Variants in FGF20 observed in about 807,000 individuals in gnomAD.
FGF20 encodes fibroblast growth factor 20.
FGF20 carries 8 observed loss-of-function variants against 16.7 expected under a neutral mutation model. The observed-to-expected ratio is 0.48, with a 90% CI of 0.28 to 0.87. The LOEUF (loss-of-function observed/expected upper bound fraction) is 0.87. Among genes scored for constraint, FGF20 ranks in the 40% least tolerant of loss-of-function variants. The probability of loss-of-function intolerance (pLI) is 0.10; values close to 1 mark genes in which losing one functional copy is unlikely to be tolerated. For synonymous variants in FGF20, 161 were observed against 118.6 expected (o/e 1.36, Z -2.32); for missense variants, 397 against 281.4 (o/e 1.41, Z -2.94).
In FGF20 at chr8:17,002,217, G is replaced by T. The variant is rs1207197724; in HGVS notation, c.-185C>A. The T allele has an allele frequency of 1.8e-6, 1 of 543,768 alleles. No homozygotes were observed. Among genetic ancestry groups the T allele is most frequent in the Non-Finnish European group, 3.0e-6 (1 of 336,382 alleles). 33.7% of individuals were successfully genotyped at this position (543,768 alleles called of 1,614,324 possible). Reference sequence around the variant, plus strand: ...AGGGAAGCTCTCACTGTCTTGGAGCGATCTTCTCTCCTTGGGTAGGTGGGA... The same window carrying T: ...AGGGAAGCTCTCACTGTCTTGGAGCTATCTTCTCTCCTTGGGTAGGTGGGA... On this transcript the variant is annotated 5_prime_UTR_variant, in exon 1 of 3. Coordinates refer to ENST00000180166, the MANE Select transcript of FGF20 (RefSeq NM_019851.3).
At chr8:16,994,975 G>A (rs908361294) in intron 2 of FGF20, among the ~76,000 whole-genome samples, 1 of 151,994 alleles carries the variant, frequency 6.6e-6, no homozygotes, top group African/African-American at 2.4e-5. Flanking sequence ...TTGCAGATTT[G>A]TTCTAAAAAC....
At position 16,993,116 on chromosome 8, in the gene FGF20, C is replaced by T; in HGVS notation, c.592G>A (p.Glu198Lys). Residue 198 changes from glutamate to lysine, a missense_variant, in exon 3 of 3, where the codon GAA (glutamate) becomes AAA (lysine). Transcript: ENST00000180166. ...TCCTTGTACAATTCTGGAACTCTTT[C>T]TGGATCCACTGGTCTAGGTAAGAAA... ...THFLPRPVDP[E>K]RVPELYKDLL... 1 of 1,614,080 alleles carries T rather than the reference C, an allele frequency of 6.2e-7. No individual in the cohort carries two copies. The highest frequency in any genetic ancestry group is 1.1e-5 in the South Asian group (1 of 91,080).
rs373023438 is a variant in FGF20, at chr8:16,993,174, G to T, written c.534C>A (p.Gly178=). 6.2e-7 allele frequency: 1 copy of T among 1,614,002 alleles called. No individual in the cohort carries two copies. ...ALNKDGTPRD[G]ARSKRHQKFT... The stretch of plus-strand genomic sequence containing the variant: ...ATTTCTGATGCCTCTTGGACCTGGC[G>T]CCATCTCTTGGAGTTCCGTCTTTGT... Residue 178 remains glycine, a synonymous_variant, in exon 3 of 3, where the codon GGC becomes GGA. Coordinates refer to ENST00000180166, the MANE Select transcript of FGF20 (RefSeq NM_019851.3).
Position 16,992,917 on chromosome 8 carries a change from G to C in FGF20, c.*155C>G, listed in dbSNP as rs147590629. On this transcript the variant is annotated 3_prime_UTR_variant, in exon 3 of 3. Transcript: ENST00000180166. ...TCTATTTCTAGTCAAAATTTTTTTT[G>C]GTTTTTTTTCTCAATATTCTTTCCA... 183 of 878,932 alleles carry C rather than the reference G, an allele frequency of 2.1e-4. No homozygotes were observed. In the African/African-American group the frequency reaches 2.3e-3, roughly 11 times the overall value. The allele number at this position is 878,932 out of a possible 1,614,324, so 54.4% of individuals were successfully genotyped here.
chr8:17,001,917 T>C lies in FGF20; in HGVS notation c.116A>G (p.Glu39Gly), dbSNP rs2150437389. 1 of 1,488,776 alleles carries C rather than the reference T, an allele frequency of 6.7e-7. No individual in the cohort carries two copies. The highest frequency in any genetic ancestry group is 8.9e-7 in the Non-Finnish European group (1 of 1,120,922). The allele number at this position is 1,488,776 out of a possible 1,614,324, so 92.2% of individuals were successfully genotyped here. ...GCTCCGCTCCGCCGCGCTCCTGCGC[T>C]CGCCCAGCAGCGGCGGCCGCTCCCC... ...PAGERPPLLG[E>G]RRSAAERSAR... is the part of the protein sequence containing the mutation. The change falls in exon 1 of 3, where the codon GAG becomes GGG. Residue 39 changes from glutamate (E) to glycine (G), a missense_variant. Glu to Gly is a moderately conservative substitution (Grantham distance 98, BLOSUM62 -2). Coordinates refer to ENST00000180166, the MANE Select transcript of FGF20 (RefSeq NM_019851.3).
At chr8:16,993,373 C>A in intron 2 of FGF20, 56 bp from the exon 3 acceptor site, 3 of 1,483,214 alleles carry the variant, frequency 2.0e-6, no homozygotes, top group Non-Finnish European at 2.7e-6. Flanking sequence ...AGATAATTTC[C>A]TTACAAGTTT....
rs1251593988 is a variant in FGF20, at chr8:17,002,037, G to T, written c.-5C>A. On this transcript the variant is annotated 5_prime_UTR_variant, in exon 1 of 3. Transcript: ENST00000180166. ...GACTTCGGCTAAGGGAGCCATGGAG[G>T]GGGAGATCCGGAACACAAAAGACCC... 1 of 1,537,054 alleles carries T rather than the reference G, an allele frequency of 6.5e-7. No individual in the cohort carries two copies. The highest frequency in any genetic ancestry group is 8.8e-7 in the Non-Finnish European group (1 of 1,142,788).
At position 16,995,711 on chromosome 8, in the gene FGF20, C is replaced by T. The variant is rs1292395727; in HGVS notation, c.334G>A (p.Gly112Ser). The T allele has an allele frequency of 6.2e-7, 1 of 1,610,360 alleles. No homozygotes were observed. ...SVAVGLVSIR[G>S]VDSGLYLGMN... ...CCAAGATAGAGACCACTGTCCACACCTCTAATACTGACCAGTCCCACTGCC... is the reference window on the plus strand; with the variant it reads ...CCAAGATAGAGACCACTGTCCACACTTCTAATACTGACCAGTCCCACTGCC... The change falls in exon 2 of 3, where the codon GGT (glycine) becomes AGT (serine). Residue 112 changes from glycine (G) to serine (S), a missense_variant. Transcript: ENST00000180166.
At position 16,995,703 on chromosome 8, in the gene FGF20, G is replaced by T; in HGVS notation, c.342C>A (p.Asp114Glu). 6.2e-7 allele frequency: 1 copy of T among 1,609,400 alleles called. No homozygotes were observed. Among genetic ancestry groups the T allele is most frequent in the Non-Finnish European group, 8.5e-7 (1 of 1,176,138 alleles). Residue 114 changes from aspartate to glutamate, a missense_variant, in exon 2 of 3, where the codon GAC becomes GAA. Transcript: ENST00000180166. ...AVGLVSIRGV[D>E]SGLYLGMNDK... ...CATTCATTCCAAGATAGAGACCACTGTCCACACCTCTAATACTGACCAGTC... is the reference window on the plus strand; with the variant it reads ...CATTCATTCCAAGATAGAGACCACTTTCCACACCTCTAATACTGACCAGTC...
intron 2 of FGF20, among the ~76,000 whole-genome samples, chr8:16,994,913 G>T (rs948130011): frequency 3.3e-5 from 5 of 152,140 alleles, no homozygotes; most frequent in African/African-American, 7.2e-5. Flanking sequence ...TCCATGTTGT[G>T]CTGTAAGGTA....
Position 17,002,131 on chromosome 8 carries a change from A to G in FGF20, c.-99T>C. The G allele has an allele frequency of 7.7e-7, 1 of 1,297,096 alleles. No homozygotes were observed. The highest frequency in any genetic ancestry group is 1.7e-5 in the South Asian group (1 of 59,482). The allele number at this position is 1,297,096 out of a possible 1,614,324, so 80.3% of individuals were successfully genotyped here. A position where few individuals can be genotyped will look rare whatever the true frequency, so the allele number is the denominator to read the frequency against. On this transcript the variant is annotated 5_prime_UTR_variant, in exon 1 of 3. Coordinates refer to ENST00000180166, the MANE Select transcript of FGF20 (RefSeq NM_019851.3). ...GAAAAATTATAGCAAAACGAGCGCAAAAAGTTAAGGCCCGGTTACTCCTCT... is the reference window on the plus strand; with the variant it reads ...GAAAAATTATAGCAAAACGAGCGCAGAAAGTTAAGGCCCGGTTACTCCTCT...
chr8:17,001,700 C>G, intron 1 of FGF20, 47 bp downstream of exon 1: 1 of 1,513,812 alleles, frequency 6.6e-7, no homozygotes, highest in Non-Finnish European at 8.8e-7. Flanking sequence ...GAACGAGGAG[C>G]CGAGCTGGGG....
Position 16,995,740 on chromosome 8 carries a change from C to T in FGF20, c.305G>A (p.Ser102Asn). ...HSLFGILEFI[S>N]VAVGLVSIRG... is the part of the protein sequence containing the mutation. ...AATACTGACCAGTCCCACTGCCACA[C>T]TGATGAATTCCAAGATACCTGCATA... Residue 102 changes from serine to asparagine, a missense_variant, in exon 2 of 3, where the codon AGT (serine) becomes AAT (asparagine). By Grantham distance (46) the Ser-to-Asn change is conservative (BLOSUM62 1). Coordinates refer to ENST00000180166, the MANE Select transcript of FGF20 (RefSeq NM_019851.3). 2 of 1,598,528 alleles carry T rather than the reference C, an allele frequency of 1.3e-6. No individual in the cohort carries two copies. Among genetic ancestry groups the T allele is most frequent in the Non-Finnish European group, 1.7e-6 (2 of 1,168,602 alleles).
intron 2 of FGF20, among the ~76,000 whole-genome samples, chr8:16,993,765 G>C (rs565380109): frequency 1.3e-5 from 2 of 152,100 alleles, no homozygotes; most frequent in Non-Finnish European, 2.9e-5. Context: ...GGGGGTGAAC[G>C]GATGCAGTGA....
chr8:16,997,137 C>A (rs564411980), intron 1 of FGF20, among the ~76,000 whole-genome samples: 11 of 152,314 alleles, frequency 7.2e-5, no homozygotes, highest in Admixed American at 4.6e-4. Flanking sequence ...TCCCTAAATA[C>A]ACTGATAAAC....
chr8:16,992,993 G>A lies in FGF20; in HGVS notation c.*79C>T. 1 of 1,472,984 alleles carries A rather than the reference G, an allele frequency of 6.8e-7. No homozygotes were observed. Among genetic ancestry groups the A allele is most frequent in the African/African-American group, 1.4e-5 (1 of 70,924 alleles). The allele number at this position is 1,472,984 out of a possible 1,614,324, so 91.2% of individuals were successfully genotyped here. A position where few individuals can be genotyped will look rare whatever the true frequency, so the allele number is the denominator to read the frequency against. ...ACTTTAATATTTTGAACGTCTCCTTGGGTCATTATTTTATGATGGGAACTA... is the reference window on the plus strand; with the variant it reads ...ACTTTAATATTTTGAACGTCTCCTTAGGTCATTATTTTATGATGGGAACTA... On this transcript the variant is annotated 3_prime_UTR_variant, in exon 3 of 3. Coordinates refer to ENST00000180166, the MANE Select transcript of FGF20 (RefSeq NM_019851.3).
In FGF20 at chr8:16,993,168, C is replaced by G. The variant is rs749155129; in HGVS notation, c.540G>C (p.Arg180Ser). ...NKDGTPRDGA[R>S]SKRHQKFTHF... Reference sequence around the variant, plus strand: ...GTGTAAATTTCTGATGCCTCTTGGACCTGGCGCCATCTCTTGGAGTTCCGT... The same window carrying G: ...GTGTAAATTTCTGATGCCTCTTGGAGCTGGCGCCATCTCTTGGAGTTCCGT... Residue 180 changes from arginine to serine, a missense_variant, in exon 3 of 3, where the codon AGG becomes AGC. Physicochemically the swap from Arg to Ser is moderately radical, Grantham distance 110 (BLOSUM62 -1). Coordinates refer to ENST00000180166, the MANE Select transcript of FGF20 (RefSeq NM_019851.3). 2.5e-6 allele frequency: 4 copies of G among 1,614,014 alleles called. No homozygotes were observed. Among genetic ancestry groups the G allele is most frequent in the Non-Finnish European group, 3.4e-6 (4 of 1,180,002 alleles).
In FGF20 at chr8:16,995,650, C is replaced by T. The variant is rs1810025572; in HGVS notation, c.390+5G>A. 6 of 1,305,032 alleles carry T rather than the reference C, an allele frequency of 4.6e-6. No homozygotes were observed. The highest frequency in any genetic ancestry group is 3.2e-6 in the Non-Finnish European group (3 of 939,942). 80.8% of individuals were successfully genotyped at this position (1,305,032 alleles called of 1,614,324 possible). On this transcript the variant is annotated splice_donor_5th_base_variant and intron_variant, in intron 2 of 2. Coordinates refer to ENST00000180166, the MANE Select transcript of FGF20 (RefSeq NM_019851.3). Reference sequence around the variant, plus strand: ...ATAATAATAAAAAATAAAAATAATACGTACTGATCCATAGAGTTCTCCTTT... The same window carrying T: ...ATAATAATAAAAAATAAAAATAATATGTACTGATCCATAGAGTTCTCCTTT...
intron 1 of FGF20, among the ~76,000 whole-genome samples, chr8:16,999,316 C>A (rs1810128699): frequency 6.6e-6 from 1 of 152,112 alleles, no homozygotes; most frequent in South Asian, 2.1e-4. Flanking sequence ...TTCGCAAAAA[C>A]AAAATGTGCG....
Sources: gnomAD v4.1 joint callset for allele counts (sites outside exome capture counted in the v4.1 genomes callset) on GRCh38, gnomAD v4.1.1 for gene constraint, MANE v1.5 for transcripts, NCBI Gene and HGNC (gene_info 2026-07-23, HGNC 2026-07-21) for gene names.